Variants in HS6ST2 observed in about 807,000 individuals in gnomAD.
HS6ST2 encodes heparan-sulfate 6-O-sulfotransferase 2.
Under a neutral mutation model 33.0 loss-of-function variants are expected in HS6ST2, and 17 were observed. The observed-to-expected ratio is 0.52, with a 90% CI of 0.35 to 0.77. The LOEUF (loss-of-function observed/expected upper bound fraction) is 0.77, where lower values mean the gene tolerates loss of function less well. HS6ST2 is among the 30% of genes least tolerant of loss of function. The pLI is 0.01. For missense variants in HS6ST2, 519 were observed against 551.7 expected (o/e 0.94, Z 0.59); for synonymous variants, 248 against 237.1 (o/e 1.05, Z -0.42).
intron 2 of HS6ST2, among the ~76,000 whole-genome samples, chrX:132,903,125 A>G (rs932745442): frequency 2.7e-5 from 3 of 112,081 alleles, no homozygotes; most frequent in Non-Finnish European, 5.6e-5. Context: ...AATATCCAAC[A>G]ATAATTTTAT....
At chrX:132,871,827 G>A (rs2066062442) in intron 2 of HS6ST2, among the ~76,000 whole-genome samples, 1 of 110,535 alleles carries the variant, frequency 9.0e-6, no homozygotes, top group South Asian at 3.9e-4. Context: ...AATATCTAAT[G>A]TAGATGACGG....
intron 2 of HS6ST2, among the ~76,000 whole-genome samples, chrX:132,852,317 C>A (rs768088566): frequency 8.9e-6 from 1 of 111,879 alleles, no homozygotes; most frequent in South Asian, 3.8e-4. Context: ...TGATATTACA[C>A]GCTGTATAAA....
chrX:132,808,550 A>C (rs2065308339), intron 2 of HS6ST2, among the ~76,000 whole-genome samples: 1 of 111,905 alleles, frequency 8.9e-6, no homozygotes, highest in South Asian at 3.7e-4. Flanking sequence ...GGCCTTTCAG[A>C]AGCAATGGAT....
At chrX:132,717,286 T>C (rs1351367400) in intron 2 of HS6ST2, among the ~76,000 whole-genome samples, 1 of 112,960 alleles carries the variant, frequency 8.9e-6, no homozygotes, top group East Asian at 2.8e-4. Context: ...GGCCATGTGC[T>C]AGAGTGAAGT....
intron 2 of HS6ST2, among the ~76,000 whole-genome samples, chrX:132,732,591 GGTAA>G (rs1003295411): frequency 2.7e-5 from 3 of 110,913 alleles, no homozygotes; most frequent in African/African-American, 9.8e-5. Context: ...TTGTTGTGGT[GGTAA>G]GTCTCACTAG....
At chrX:132,850,697 A>G (rs1450752089) in intron 2 of HS6ST2, among the ~76,000 whole-genome samples, 2 of 105,840 alleles carry the variant, frequency 1.9e-5, no homozygotes, top group Non-Finnish European at 3.9e-5. Flanking sequence ...TATGAAGTCT[A>G]AAGTCCAGAT....
intron 2 of HS6ST2, among the ~76,000 whole-genome samples, chrX:132,783,335 T>C (rs1569490504): frequency 8.9e-6 from 1 of 111,838 alleles, no homozygotes; most frequent in South Asian, 3.8e-4. Flanking sequence ...GCTGGTGCTG[T>C]TTTGCAGACT....
chrX:132,670,468 G>GT (rs1420811776), intron 3 of HS6ST2, among the ~76,000 whole-genome samples: 1 of 110,992 alleles, frequency 9.0e-6, no homozygotes, highest in Non-Finnish European at 1.9e-5. Context: ...GGCTGATCAG[G>GT]AAAAGTCAGA....
At chrX:132,882,057 G>A (rs1174569906) in intron 2 of HS6ST2, among the ~76,000 whole-genome samples, 3 of 111,582 alleles carry the variant, frequency 2.7e-5, no homozygotes, top group Non-Finnish European at 5.6e-5. Flanking sequence ...GTCAGGTAGC[G>A]TGATGCCTCC....
At chrX:132,794,574 G>GATGATT (rs916088563) in intron 2 of HS6ST2, among the ~76,000 whole-genome samples, 240 of 99,045 alleles carry the variant, frequency 2.4e-3, no homozygotes, top group Middle Eastern at 4.9e-3. Flanking sequence ...TGATGATGAT[G>GATGATT]ATTATTATTA....
At chrX:132,763,778 C>CAGAT (rs1420829237) in intron 2 of HS6ST2, among the ~76,000 whole-genome samples, 4 of 111,959 alleles carry the variant, frequency 3.6e-5, no homozygotes, top group Non-Finnish European at 7.5e-5. Context: ...GTCCAGCTGG[C>CAGAT]AGACAGAGAG....
At chrX:132,760,921 C>G (rs1455833095) in intron 2 of HS6ST2, among the ~76,000 whole-genome samples, 1 of 111,086 alleles carries the variant, frequency 9.0e-6, no homozygotes, top group Admixed American at 9.6e-5. Context: ...AAATAAGGCT[C>G]AATAAAACCT....
intron 2 of HS6ST2, among the ~76,000 whole-genome samples, chrX:132,709,700 T>C (rs1309552757): frequency 9.1e-6 from 1 of 109,897 alleles, no homozygotes; most frequent in Non-Finnish European, 1.9e-5. Context: ...ATCTACAATG[T>C]ACTGACCTAC....
At chrX:132,706,172 A>T (rs1221601006) in intron 3 of HS6ST2, among the ~76,000 whole-genome samples, 2 of 111,228 alleles carry the variant, frequency 1.8e-5, no homozygotes, top group Non-Finnish European at 3.8e-5. Context: ...TGACGGGATG[A>T]TCTTAAAGCT....
chrX:132,719,738 T>C (rs994722378), intron 2 of HS6ST2, among the ~76,000 whole-genome samples: 1 of 112,311 alleles, frequency 8.9e-6, no homozygotes, highest in Admixed American at 9.4e-5. Context: ...TAAGGAACAT[T>C]GAATGAGCCC....
At chrX:132,666,387 T>C (rs2063810057) in intron 4 of HS6ST2, among the ~76,000 whole-genome samples, 2 of 111,823 alleles carry the variant, frequency 1.8e-5, no homozygotes, top group African/African-American at 3.3e-5. Flanking sequence ...TCTAGTGCAA[T>C]GGCACAAAGT....
intron 2 of HS6ST2, among the ~76,000 whole-genome samples, chrX:132,938,167 A>C (rs959160551): frequency 2.7e-5 from 3 of 109,205 alleles, no homozygotes; most frequent in African/African-American, 1.0e-4. Context: ...GTCTCAAAAA[A>C]AAAAAAACAA....
chrX:132,836,503 ACT>A (rs2065645839), intron 2 of HS6ST2, among the ~76,000 whole-genome samples: 1 of 111,789 alleles, frequency 8.9e-6, no homozygotes, highest in African/African-American at 3.3e-5. Context: ...GCATTCTTGG[ACT>A]CTCTGCATCC....
At chrX:132,912,247 G>C (rs1223770121) in intron 2 of HS6ST2, among the ~76,000 whole-genome samples, 1 of 112,710 alleles carries the variant, frequency 8.9e-6, no homozygotes, top group Non-Finnish European at 1.9e-5. Context: ...TCCCCTCATG[G>C]GGCATCAGTT....
Sources: gnomAD v4.1 joint callset for allele counts (sites outside exome capture counted in the v4.1 genomes callset) on GRCh38, gnomAD v4.1.1 for gene constraint, MANE v1.5 for transcripts, NCBI Gene and HGNC (gene_info 2026-07-23, HGNC 2026-07-21) for gene names.